The following PLG variants were observed in gnomAD, a reference collection of about 807,000 sequenced individuals.
The protein encoded by PLG is plasminogen, also known as plasmin.
PLG carries 41 observed loss-of-function variants against 104.4 expected under a neutral mutation model. The observed-to-expected ratio is 0.39, with a 90% confidence interval of 0.31 to 0.51. The LOEUF (loss-of-function observed/expected upper bound fraction) is 0.51, where lower values mean the gene tolerates loss of function less well. Among genes scored for constraint, PLG ranks in the 20% least tolerant of loss-of-function variants. The pLI, the probability that PLG is intolerant of heterozygous loss-of-function variation, is 0.76. For missense variants in PLG, 891 were observed against 1,003.6 expected, an observed-to-expected ratio of 0.89 and a Z score of 1.52; for synonymous variants, 337 against 357.1, an observed-to-expected ratio of 0.94 and a Z score of 0.63.
chr6:160,751,932 A>C (rs968924387), intron 17 of PLG, among the ~76,000 whole-genome samples, 183 bp from the exon 18 acceptor site: 2 of 152,356 alleles, frequency 1.3e-5, no homozygotes, highest in Middle Eastern at 3.4e-3. Context: ...TCCAGGGCTC[A>C]GGAACACAGA....
rs1778056031 is a variant in PLG, at chr6:160,734,657, C to T, written c.1681+569C>T. Among the ~76,000 whole-genome samples the T allele has an allele frequency of 6.8e-6, 1 of 147,836 alleles. No homozygotes were observed. The highest frequency in any genetic ancestry group is 6.9e-5 in the Admixed American group (1 of 14,522). ...GTTCCATCCTCATTGCTCTGAGACT[C>T]TTGTTGGGAGTATGAGGCTTGGATC... On this transcript the variant is annotated intron_variant, in intron 13 of 18. Transcript: ENST00000308192. This position sits in a 1 kb window ranked among gnomAD's most constrained non-coding sequence, Gnocchi z 4.4.
chr6:160,735,270 C>G lies in PLG; in HGVS notation c.1681+1182C>G, dbSNP rs1375572129. 1.3e-5 allele frequency among the ~76,000 whole-genome samples: 2 copies of G among 152,148 alleles called. No individual in the cohort carries two copies. The highest frequency in any genetic ancestry group is 3.9e-4 in the East Asian group (2 of 5,188). On this transcript the variant is annotated intron_variant, in intron 13 of 18. Coordinates refer to ENST00000308192, the MANE Select transcript of PLG (RefSeq NM_000301.5). This position sits in a 1 kb window ranked among gnomAD's most constrained non-coding sequence, Gnocchi z 5.4. ...ACCACTGCCTCTCACTGCCCGGGCTCTCTATCCTTGACAGGCTGCCTTGAA... is the reference window on the plus strand; with the variant it reads ...ACCACTGCCTCTCACTGCCCGGGCTGTCTATCCTTGACAGGCTGCCTTGAA...
rs1778101703 is a variant in PLG, at chr6:160,737,403, C to CA, written c.1802+400dup. 6.6e-6 allele frequency among the ~76,000 whole-genome samples: 1 copy of CA among 152,114 alleles called. No homozygotes were observed. Among genetic ancestry groups the CA allele is most frequent in the African/African-American group, 2.4e-5 (1 of 41,444 alleles). On this transcript the variant is annotated intron_variant, in intron 14 of 18. Coordinates refer to ENST00000308192, the MANE Select transcript of PLG (RefSeq NM_000301.5). The surrounding 1 kb of genome is among the most constrained non-coding windows in gnomAD (Gnocchi z 4.7). ...ACTTTCTGGGTTGGGAGAGCAAGGA[C>CA]AAAATTATCTCCAGTCTATCACAGG...
At chr6:160,730,131 G>C (rs980191690) in intron 10 of PLG, among the ~76,000 whole-genome samples, 1 of 152,222 alleles carries the variant, frequency 6.6e-6, no homozygotes. Flanking sequence ...TGGGAGGCAT[G>C]AGGGGGAGCA....
chr6:160,727,060 C>T (rs965939861), intron 10 of PLG, among the ~76,000 whole-genome samples: 1 of 151,662 alleles, frequency 6.6e-6, no homozygotes, highest in South Asian at 2.1e-4. Context: ...GGAGGGAGCA[C>T]CACCGTCAAC....
chr6:160,702,609 T>C (rs1270397955), intron 1 of PLG, among the ~76,000 whole-genome samples: 1 of 152,198 alleles, frequency 6.6e-6, no homozygotes, highest in Non-Finnish European at 1.5e-5. Context: ...ACCCACATAA[T>C]GGCCAGTCTA....
At chr6:160,709,197 A>T (rs1408553900) in intron 3 of PLG, among the ~76,000 whole-genome samples, 2 of 152,128 alleles carry the variant, frequency 1.3e-5, no homozygotes, top group Non-Finnish European at 2.9e-5. Flanking sequence ...AAAAGTCAAA[A>T]GTCAGTCATT....
Position 160,736,688 on chromosome 6 carries a change from A to G in PLG, c.1682-199A>G, listed in dbSNP as rs1778087014. 6.6e-6 allele frequency among the ~76,000 whole-genome samples: 1 copy of G among 152,152 alleles called. No individual in the cohort carries two copies. Among genetic ancestry groups the G allele is most frequent in the South Asian group, 2.1e-4 (1 of 4,830 alleles). ...AACAAAATAATTACAAAGTGCTTAT[A>G]TTTTCTTGAAAAGAGAGGGTCCTGT... On this transcript the variant is annotated intron_variant, in intron 13 of 18. Transcript: ENST00000308192. The surrounding 1 kb of genome is among the most constrained non-coding windows in gnomAD (Gnocchi z 5.2).
rs4252180 is a variant in PLG at position 160,753,842 on chromosome 6, A to G, written c.*781A>G. Among the ~76,000 whole-genome samples, 969 of 152,348 alleles carry G rather than the reference A, an allele frequency of 6.4e-3. 13 individuals are homozygous for G. The highest frequency in any genetic ancestry group is 0.022 in the African/African-American group (917 of 41,574). ...AACAGTCTGCAGTACACACGGTCACAGGAGAATGACCTGTGGGAGAGATAC... is the reference window on the plus strand; with the variant it reads ...AACAGTCTGCAGTACACACGGTCACGGGAGAATGACCTGTGGGAGAGATAC... On this transcript the variant is annotated 3_prime_UTR_variant, in exon 19 of 19. Coordinates refer to ENST00000308192, the MANE Select transcript of PLG (RefSeq NM_000301.5). The surrounding 1 kb of genome is among the most constrained non-coding windows in gnomAD (Gnocchi z 5.4).
At position 160,723,255 on chromosome 6, in the gene PLG, C is replaced by T. The variant is rs1777873808; in HGVS notation, c.1256+688C>T. Among the ~76,000 whole-genome samples, 1 of 151,704 alleles carries T rather than the reference C, an allele frequency of 6.6e-6. No individual in the cohort carries two copies. The highest frequency in any genetic ancestry group is 6.6e-5 in the Admixed American group (1 of 15,222). ...CCTGAAAGGATATGGGTTGCTGGGA[C>T]ATGAAGAACAAAAGCAGGATACGCA... is the stretch of plus-strand genomic sequence containing the variant. On this transcript the variant is annotated intron_variant, in intron 10 of 18. Transcript: ENST00000308192. The surrounding 1 kb of genome is among the most constrained non-coding windows in gnomAD (Gnocchi z 4.7).
intron 17 of PLG, among the ~76,000 whole-genome samples, chr6:160,745,436 A>G (rs1778262804): frequency 6.6e-6 from 1 of 152,146 alleles, no homozygotes; most frequent in South Asian, 2.1e-4. Context: ...TTGTTGGTTT[A>G]AAGTCTGTTT....
intron 17 of PLG, among the ~76,000 whole-genome samples, chr6:160,749,509 TC>T (rs1282362240): frequency 6.9e-6 from 1 of 144,870 alleles, no homozygotes; most frequent in Non-Finnish European, 1.5e-5. Context: ...ACCACCCCCA[TC>T]ATTACTGCCA....
intron 17 of PLG, among the ~76,000 whole-genome samples, chr6:160,747,517 T>C (rs1778296891): frequency 6.6e-6 from 1 of 152,234 alleles, no homozygotes; most frequent in African/African-American, 2.4e-5. Flanking sequence ...ACTAGGCACG[T>C]TACCTCTTTG....
At chr6:160,743,006 C>T (rs1239818495) in intron 17 of PLG, among the ~76,000 whole-genome samples, 1 of 92,938 alleles carries the variant, frequency 1.1e-5, no homozygotes. Context: ...CACTGGTCTA[C>T]GTGTCTTTTT....
chr6:160,718,879 C>T, intron 9 of PLG, 41 bp downstream of exon 9: 2 of 1,589,922 alleles, frequency 1.3e-6, no homozygotes, highest in East Asian at 2.2e-5. Context: ...CCCAAGTTTT[C>T]TCCTTATTTT....
chr6:160,704,058 A>G (rs559530318), intron 1 of PLG, among the ~76,000 whole-genome samples: 86 of 152,358 alleles, frequency 5.6e-4, no homozygotes, highest in African/African-American at 2.0e-3. Context: ...TGAGGAAGAA[A>G]TTCTCACACC....
At chr6:160,709,977 T>A (rs1458164898) in intron 3 of PLG, among the ~76,000 whole-genome samples, 1 of 152,244 alleles carries the variant, frequency 6.6e-6, no homozygotes, top group Non-Finnish European at 1.5e-5. Context: ...CAGAGGCTTT[T>A]CTTCTTCGAA....
chr6:160,728,546 G>GA (rs983100491), intron 10 of PLG, among the ~76,000 whole-genome samples: 4 of 151,424 alleles, frequency 2.6e-5, no homozygotes, highest in African/African-American at 4.8e-5. Flanking sequence ...GTGGTATTGG[G>GA]AAAAAAAAGT....
Position 160,740,617 on chromosome 6 carries a change from G to A in PLG, c.2019-694G>A, listed in dbSNP as rs573688015. ...TGGTGACGATGATGTTTCTTGATCA[G>A]AATAGGGCATTTCTTATTTCCAATC... On this transcript the variant is annotated intron_variant, in intron 16 of 18. Transcript: ENST00000308192. This position sits in a 1 kb window ranked among gnomAD's most constrained non-coding sequence, Gnocchi z 5.2. Among the ~76,000 whole-genome samples the A allele has an allele frequency of 1.3e-5, 2 of 152,270 alleles. No homozygotes were observed. Among genetic ancestry groups the A allele is most frequent in the South Asian group, 4.1e-4 (2 of 4,832 alleles).
Sources: allele counts gnomAD v4.1 joint callset (sites outside exome capture counted in the v4.1 genomes callset), GRCh38; gene constraint gnomAD v4.1.1; non-coding constraint Gnocchi (gnomAD v3.1); transcripts MANE v1.5; gene names NCBI Gene and HGNC (gene_info 2026-07-23, HGNC 2026-07-21).